FAR2: variants seen among roughly 807,000 people sequenced by gnomAD.
FAR2 encodes epididymis secretory protein Li 81.
Under a neutral mutation model 56.0 loss-of-function variants are expected in FAR2, and 19 were observed. That is an observed-to-expected ratio of 0.34 (90% CI 0.24 to 0.50). The LOEUF is 0.50. Ranked by LOEUF, FAR2 falls within the 20% of genes least tolerant of loss-of-function variation. The probability of loss-of-function intolerance (pLI) is 0.98; values close to 1 mark genes in which losing one functional copy is unlikely to be tolerated. For missense variants in FAR2, 508 were observed against 642.2 expected (o/e 0.79, Z 2.26); for synonymous variants, 219 against 218.8 (o/e 1.00, Z -0.01).
chr12:29,238,073 A>C (rs897536550), intron 1 of FAR2, among the ~76,000 whole-genome samples: 1 of 152,180 alleles, frequency 6.6e-6, no homozygotes, highest in African/African-American at 2.4e-5. Context: ...ATATGGTTTT[A>C]GATTCTACAT....
chr12:29,306,582 G>A (rs1475930978), intron 4 of FAR2, among the ~76,000 whole-genome samples: 3 of 152,068 alleles, frequency 2.0e-5, no homozygotes, highest in Admixed American at 6.6e-5. Context: ...AGCATATTTC[G>A]GCAGCTTAAT....
chr12:29,298,226 C>G (rs1026415901), intron 4 of FAR2, among the ~76,000 whole-genome samples: 9 of 151,488 alleles, frequency 5.9e-5, no homozygotes, highest in Admixed American at 5.9e-4. Flanking sequence ...TAAAACACAG[C>G]TCAGGTCTTA....
At chr12:29,163,390 C>T (rs537889496) in intron 1 of FAR2, among the ~76,000 whole-genome samples, 76 of 152,222 alleles carry the variant, frequency 5.0e-4, no homozygotes, top group African/African-American at 1.5e-3. Context: ...CAGTTGGTCC[C>T]GAAGTTCTGG....
chr12:29,333,150 C>T (rs1422734568), intron 11 of FAR2: 1 of 332,882 alleles, frequency 3.0e-6, no homozygotes, highest in East Asian at 7.8e-5. Flanking sequence ...AAATTTCTTT[C>T]AGTCGTAATC....
intron 10 of FAR2, among the ~76,000 whole-genome samples, chr12:29,330,589 G>A (rs938330734): frequency 2.0e-5 from 3 of 152,140 alleles, no homozygotes; most frequent in African/African-American, 7.2e-5. Context: ...AGAAAGAATC[G>A]AGTAGCCTTA....
intron 1 of FAR2, among the ~76,000 whole-genome samples, chr12:29,163,165 A>G (rs1949796703): frequency 6.6e-6 from 1 of 152,234 alleles, no homozygotes; most frequent in Non-Finnish European, 1.5e-5. Flanking sequence ...GGATGAATGG[A>G]GGACATAGCC....
intron 1 of FAR2, among the ~76,000 whole-genome samples, chr12:29,216,468 CATGTGTACAGCAG>C (rs1565474563): frequency 6.6e-6 from 1 of 151,878 alleles, no homozygotes; most frequent in African/African-American, 2.4e-5. Flanking sequence ...TTATTGCTCT[CATGTGTACAGCAG>C]ATGCTGCAAT....
intron 1 of FAR2, among the ~76,000 whole-genome samples, chr12:29,197,275 G>GAATC (rs1296121073): frequency 6.6e-6 from 1 of 152,176 alleles, no homozygotes; most frequent in East Asian, 1.9e-4. Context: ...GTTTCCAAGA[G>GAATC]AATCTGTCGT....
At chr12:29,183,831 CA>C (rs1403245893) in intron 1 of FAR2, among the ~76,000 whole-genome samples, 3 of 152,188 alleles carry the variant, frequency 2.0e-5, no homozygotes, top group Non-Finnish European at 2.9e-5. Flanking sequence ...CAAGCACAAT[CA>C]TGTATCATTC....
At chr12:29,210,131 C>G (rs1414377285) in intron 1 of FAR2, among the ~76,000 whole-genome samples, 1 of 152,008 alleles carries the variant, frequency 6.6e-6, no homozygotes, top group African/African-American at 2.4e-5. Flanking sequence ...TCAATTGAGC[C>G]CCGGAGGTCA....
At chr12:29,322,738 C>T (rs1949573897) in intron 10 of FAR2, among the ~76,000 whole-genome samples, 1 of 152,140 alleles carries the variant, frequency 6.6e-6, no homozygotes, top group Non-Finnish European at 1.5e-5. Flanking sequence ...TAAAATGTAT[C>T]TTTTGTTTTA....
At chr12:29,207,327 C>G (rs1252176130) in intron 1 of FAR2, among the ~76,000 whole-genome samples, 2 of 152,144 alleles carry the variant, frequency 1.3e-5, no homozygotes, top group Admixed American at 6.5e-5. Context: ...ACCAGTTCCT[C>G]ATTCTCTCAA....
intron 1 of FAR2, among the ~76,000 whole-genome samples, chr12:29,230,746 A>G (rs1054503635): frequency 6.6e-6 from 1 of 152,124 alleles, no homozygotes; most frequent in South Asian, 2.1e-4. Context: ...TGAGAAAAAG[A>G]GAGTCAAGGG....
chr12:29,250,828 C>A (rs977996), intron 1 of FAR2, among the ~76,000 whole-genome samples: 151,407 of 152,280 alleles, frequency 0.99, 75,275 homozygotes, highest in East Asian at 1. Context: ...TAAATTTGTG[C>A]GGGGAGCCCC....
At chr12:29,223,773 G>C (rs1171944550) in intron 1 of FAR2, 1 of 152,098 alleles carries the variant, frequency 6.6e-6, no homozygotes, top group East Asian at 1.9e-4. Flanking sequence ...GCTGGTCTTG[G>C]GATACTGTGA....
intron 2 of FAR2, among the ~76,000 whole-genome samples, chr12:29,290,023 C>G (rs965541110): frequency 6.6e-6 from 1 of 151,992 alleles, no homozygotes; most frequent in Non-Finnish European, 1.5e-5. Flanking sequence ...GGCTTATATC[C>G]AAAAGATAGG....
At chr12:29,237,166 G>T (rs572720571) in intron 1 of FAR2, among the ~76,000 whole-genome samples, 1 of 152,260 alleles carries the variant, frequency 6.6e-6, no homozygotes, top group African/African-American at 2.4e-5. Context: ...AGTGCAAAGT[G>T]ATTGGAATAC....
At chr12:29,167,039 C>T (rs1949836637) in intron 1 of FAR2, among the ~76,000 whole-genome samples, 1 of 152,152 alleles carries the variant, frequency 6.6e-6, no homozygotes, top group Admixed American at 6.6e-5. Context: ...TTGTTACTCC[C>T]AATTTGGATC....
intron 1 of FAR2, among the ~76,000 whole-genome samples, chr12:29,238,419 A>T (rs1267730479): frequency 6.6e-6 from 1 of 152,096 alleles, no homozygotes; most frequent in East Asian, 1.9e-4. Flanking sequence ...TATGTTATTT[A>T]TTTTAACATT....
Sources: allele counts gnomAD v4.1 joint callset (sites outside exome capture counted in the v4.1 genomes callset), GRCh38; gene constraint gnomAD v4.1.1; transcripts MANE v1.5; gene names NCBI Gene and HGNC (gene_info 2026-07-23, HGNC 2026-07-21).